Variants in MYO3A observed in about 807,000 individuals in gnomAD.
The protein encoded by MYO3A is myosin IIIA.
In MYO3A, 180 loss-of-function variants were observed where a neutral mutation model predicts 192.7. The observed-to-expected ratio is 0.93, with a 90% CI of 0.83 to 1.06. The LOEUF is 1.06. Ranked by LOEUF, MYO3A falls within the 50% of genes least tolerant of loss-of-function variation. The probability of loss-of-function intolerance (pLI) is 0.00; values close to 1 mark genes in which losing one functional copy is unlikely to be tolerated. For synonymous variants in MYO3A, 628 were observed against 645.3 expected (o/e 0.97, Z 0.41); for missense variants, 1,896 against 1,905.0 (o/e 1.00, Z 0.09).
chr10:26,169,401 A>G (rs1392887110), intron 28 of MYO3A, among the ~76,000 whole-genome samples: 1 of 152,202 alleles, frequency 6.6e-6, no homozygotes, highest in East Asian at 1.9e-4. Context: ...TGAAATTTAG[A>G]TAGAGCTTGT....
In MYO3A at chr10:26,060,624, G is replaced by C. The variant is rs180962493; in HGVS notation, c.954-6351G>C. On this transcript the variant is annotated intron_variant, in intron 10 of 34. Coordinates refer to ENST00000642920, the MANE Select transcript of MYO3A (RefSeq NM_017433.5). Reference sequence around the variant, plus strand: ...TGGCACTTGGCATGTAGCTAAATCTGACAAATCAATGTATGCATATTTTAA... The same window carrying C: ...TGGCACTTGGCATGTAGCTAAATCTCACAAATCAATGTATGCATATTTTAA... 2.6e-5 allele frequency among the ~76,000 whole-genome samples: 4 copies of C among 152,240 alleles called. No homozygotes were observed. In the East Asian group the frequency reaches 7.7e-4, roughly 29 times the overall value.
intron 6 of MYO3A, among the ~76,000 whole-genome samples, chr10:26,001,555 C>G (rs1442594840): frequency 6.6e-6 from 1 of 152,188 alleles, no homozygotes; most frequent in African/African-American, 2.4e-5. Context: ...ACCACAAGCT[C>G]CCTGGAGGCA....
chr10:25,965,171 T>C (rs1453978973), intron 4 of MYO3A, among the ~76,000 whole-genome samples: 3 of 152,214 alleles, frequency 2.0e-5, no homozygotes, highest in Non-Finnish European at 4.4e-5. Flanking sequence ...TCTCTGTTAC[T>C]ATTCCTTTGA....
chr10:26,069,120 G>A (rs1835036042), intron 12 of MYO3A, among the ~76,000 whole-genome samples: 1 of 151,964 alleles, frequency 6.6e-6, no homozygotes, highest in Admixed American at 6.6e-5. Flanking sequence ...TCAGTTATTG[G>A]TAACGGCTCT....
rs192672149 is a variant in MYO3A, at chr10:26,101,052, A to T, written c.1776+4370A>T. 1.6e-3 allele frequency among the ~76,000 whole-genome samples: 245 copies of T among 152,276 alleles called. 1 individual carries two copies. Among genetic ancestry groups the T allele is most frequent in the African/African-American group, 5.5e-3 (227 of 41,546 alleles). ...GTCTACGTCTCTTTGTAGGTCTCTAAAGACTTGCTTTATGAATCTGGGTGC... is the reference window on the plus strand; with the variant it reads ...GTCTACGTCTCTTTGTAGGTCTCTATAGACTTGCTTTATGAATCTGGGTGC... On this transcript the variant is annotated intron_variant, in intron 17 of 34. Transcript: ENST00000642920.
At chr10:26,094,420 CTTTTTTTT>C (rs965507109) in intron 15 of MYO3A, among the ~76,000 whole-genome samples, 2 of 101,322 alleles carry the variant, frequency 2.0e-5, no homozygotes, top group East Asian at 2.8e-4. Flanking sequence ...TGAATAATTT[CTTTTTTTT>C]TTTTTTTTTT....
intron 2 of MYO3A, among the ~76,000 whole-genome samples, chr10:25,939,892 T>A (rs1836365723): frequency 6.6e-6 from 1 of 152,024 alleles, no homozygotes; most frequent in African/African-American, 2.4e-5. Flanking sequence ...ATTTGACATG[T>A]TTTGGGGTTC....
chr10:26,013,539 A>C (rs1841802845), intron 6 of MYO3A, among the ~76,000 whole-genome samples: 1 of 152,152 alleles, frequency 6.6e-6, no homozygotes, highest in South Asian at 2.1e-4. Context: ...ATCATCAGGG[A>C]AATGCAAATT....
chr10:25,967,672 G>A lies in MYO3A; in HGVS notation c.303+12664G>A, dbSNP rs1488026689. Among the ~76,000 whole-genome samples, 9 of 152,048 alleles carry A rather than the reference G, an allele frequency of 5.9e-5. No individual in the cohort carries two copies. The East Asian group carries it at 1.3e-3, about 23-fold the overall frequency. ...CAGAGATGTTGAAATTAGCTGGTTC[G>A]TACTTTAAAATAGTTATAAATATGT... On this transcript the variant is annotated intron_variant, in intron 4 of 34. Coordinates refer to ENST00000642920, the MANE Select transcript of MYO3A (RefSeq NM_017433.5).
chr10:25,981,513 G>A (rs1304963393), intron 4 of MYO3A, among the ~76,000 whole-genome samples: 4 of 152,118 alleles, frequency 2.6e-5, no homozygotes, highest in African/African-American at 9.7e-5. Flanking sequence ...CACAGGGTTG[G>A]AGGAAATACT....
chr10:25,934,637 G>C (rs1252063703), intron 1 of MYO3A, among the ~76,000 whole-genome samples: 10 of 151,602 alleles, frequency 6.6e-5, no homozygotes, highest in Admixed American at 1.3e-4. Flanking sequence ...ATGAACTTGA[G>C]GGGGAAACGG....
At chr10:26,171,025 C>T (rs1023761578) in intron 29 of MYO3A, among the ~76,000 whole-genome samples, 4 of 152,146 alleles carry the variant, frequency 2.6e-5, no homozygotes, top group Admixed American at 2.6e-4. Flanking sequence ...GACACAGATA[C>T]GTGAAGCAAA....
rs976334202 is a variant in MYO3A, at chr10:26,026,291, G to C, written c.798-86G>C. 3.9e-5 allele frequency: 58 copies of C among 1,480,252 alleles called. No homozygotes were observed. The African/African-American group carries it at 7.3e-4, about 19-fold the overall frequency. 91.7% of individuals were successfully genotyped at this position (1,480,252 alleles called of 1,614,324 possible). On this transcript the variant is annotated intron_variant, in intron 9 of 34. Transcript: ENST00000642920. ...CATTTATGAGGAGCATCACTCTCGT[G>C]TGTTAGATTAATTTTTAGGAATATG...
Position 26,120,387 on chromosome 10 carries a change from C to T in MYO3A, c.1777-289C>T, listed in dbSNP as rs768860800. Among the ~76,000 whole-genome samples the T allele has an allele frequency of 1.1e-3, 165 of 152,212 alleles. 1 individual carries two copies. The highest frequency in any genetic ancestry group is 1.8e-3 in the Non-Finnish European group (125 of 68,038). The stretch of plus-strand genomic sequence containing the variant: ...CTATGGCCTAATGAATGAGGCATTT[C>T]TACTTCCTCTGAGAACAGCTTCTCA... On this transcript the variant is annotated intron_variant, in intron 17 of 34. Coordinates refer to ENST00000642920, the MANE Select transcript of MYO3A (RefSeq NM_017433.5).
intron 14 of MYO3A, 27 bp downstream of exon 14, chr10:26,070,428 A>G (rs1317445195): frequency 1.3e-6 from 2 of 1,571,084 alleles, no homozygotes; most frequent in Non-Finnish European, 1.7e-6. Context: ...TCTCTGTCCC[A>G]TCAGAAATAT....
chr10:26,154,907 CAA>C, intron 25 of MYO3A, 84 bp downstream of exon 25: 1 of 1,117,170 alleles, frequency 9.0e-7, no homozygotes, highest in Admixed American at 2.0e-5. Context: ...GTAACACTAG[CAA>C]AGAGAATGTT....
At chr10:26,170,002 AT>A (rs1426034718) in intron 28 of MYO3A, among the ~76,000 whole-genome samples, 2 of 152,244 alleles carry the variant, frequency 1.3e-5, no homozygotes, top group African/African-American at 4.8e-5. Flanking sequence ...TTTGCTCTGT[AT>A]TAACTTTCTA....
chr10:26,097,639 TC>T (rs1837135752), intron 17 of MYO3A, among the ~76,000 whole-genome samples: 1 of 152,138 alleles, frequency 6.6e-6, no homozygotes, highest in Non-Finnish European at 1.5e-5. Flanking sequence ...ATGCAGTGTT[TC>T]GTTTTCTGTC....
intron 33 of MYO3A, among the ~76,000 whole-genome samples, chr10:26,202,128 T>C (rs1350954063): frequency 2.0e-5 from 3 of 152,268 alleles, no homozygotes; most frequent in African/African-American, 7.2e-5. Flanking sequence ...TTTAATATTA[T>C]ATCACTGTTT....
Sources: allele counts gnomAD v4.1 joint callset (sites outside exome capture counted in the v4.1 genomes callset), GRCh38; gene constraint gnomAD v4.1.1; transcripts MANE v1.5; gene names NCBI Gene and HGNC (gene_info 2026-07-23, HGNC 2026-07-21).